The following KCNH7 variants were observed in gnomAD, a reference collection of about 807,000 sequenced individuals.
KCNH7 encodes voltage-gated inwardly rectifying potassium channel KCNH7.
In KCNH7, 49 loss-of-function variants were observed where a neutral mutation model predicts 120.8. The observed-to-expected ratio is 0.41, with a 90% confidence interval of 0.32 to 0.51. The LOEUF is 0.51. Among genes scored for constraint, KCNH7 ranks in the 20% least tolerant of loss-of-function variants. The pLI is 0.38. For missense variants in KCNH7, 1,097 were observed against 1,446.6 expected (o/e 0.76, Z 3.92); for synonymous variants, 547 against 516.1 (o/e 1.06, Z -0.81).
chr2:162,765,642 C>T (rs1682771405), intron 2 of KCNH7, among the ~76,000 whole-genome samples: 1 of 152,086 alleles, frequency 6.6e-6, no homozygotes, highest in African/African-American at 2.4e-5. Context: ...TTTAAGTGGT[C>T]ATATTACTGT....
chr2:162,803,841 C>T (rs1684433122), intron 2 of KCNH7, among the ~76,000 whole-genome samples: 1 of 151,612 alleles, frequency 6.6e-6, no homozygotes, highest in South Asian at 2.1e-4. Context: ...GCATTTTTTA[C>T]TTACAGGATC....
intron 2 of KCNH7, among the ~76,000 whole-genome samples, chr2:162,652,356 T>C (rs1474102351): frequency 2.6e-5 from 4 of 151,968 alleles, no homozygotes; most frequent in Admixed American, 2.0e-4. Flanking sequence ...AAAACAAGTA[T>C]ACAGAAGCAG....
chr2:162,567,149 G>T (rs1030182282), intron 2 of KCNH7, among the ~76,000 whole-genome samples: 6 of 151,934 alleles, frequency 3.9e-5, no homozygotes, highest in African/African-American at 1.4e-4. Flanking sequence ...TTATTTAGCA[G>T]AAAGAAGATG....
intron 8 of KCNH7, among the ~76,000 whole-genome samples, chr2:162,426,739 T>C (rs1216457118): frequency 6.6e-6 from 1 of 152,222 alleles, no homozygotes; most frequent in Non-Finnish European, 1.5e-5. Context: ...GTAATTTATA[T>C]GTAAGATGCA....
chr2:162,699,313 A>G (rs751246867), intron 2 of KCNH7, among the ~76,000 whole-genome samples: 14 of 152,122 alleles, frequency 9.2e-5, no homozygotes, highest in Middle Eastern at 3.2e-3. Context: ...ATTTCACCGA[A>G]TGTCCTCCAG....
chr2:162,454,940 G>GC (rs1237408032), intron 6 of KCNH7, among the ~76,000 whole-genome samples: 1 of 151,948 alleles, frequency 6.6e-6, no homozygotes, highest in Non-Finnish European at 1.5e-5. Context: ...TCTTTCTCTT[G>GC]CCTGATTGCC....
intron 6 of KCNH7, among the ~76,000 whole-genome samples, chr2:162,493,423 T>A (rs911718128): frequency 6.6e-6 from 1 of 152,178 alleles, no homozygotes; most frequent in East Asian, 1.9e-4. Context: ...GAAATAAAAG[T>A]CTTAAAGATT....
rs1397305814 is a variant in KCNH7 at position 162,770,110 on chromosome 2, A to G, written c.307+66427T>C. ...AACTGCAGCTATTCACAGATGCTAC[A>G]TCGTAAGACTGAGTACATGGGAATT... On this transcript the variant is annotated intron_variant, in intron 2 of 15. Transcript: ENST00000332142. 2.0e-5 allele frequency among the ~76,000 whole-genome samples: 3 copies of G among 152,190 alleles called. 1 individual carries two copies. Among genetic ancestry groups the G allele is most frequent in the African/African-American group, 7.2e-5 (3 of 41,576 alleles).
intron 2 of KCNH7, among the ~76,000 whole-genome samples, chr2:162,707,777 T>C (rs1157293929): frequency 1.3e-5 from 2 of 152,130 alleles, no homozygotes; most frequent in African/African-American, 2.4e-5. Context: ...CATCACCTAC[T>C]ACTACGTTTA....
intron 6 of KCNH7, among the ~76,000 whole-genome samples, chr2:162,502,874 C>T (rs1350588572): frequency 6.6e-6 from 1 of 152,040 alleles, no homozygotes; most frequent in African/African-American, 2.4e-5. Flanking sequence ...TGAGATCCCA[C>T]ATGGCTGCAC....
intron 2 of KCNH7, among the ~76,000 whole-genome samples, chr2:162,565,521 G>A (rs112230566): frequency 1.6e-4 from 24 of 152,072 alleles, no homozygotes; most frequent in African/African-American, 5.1e-4. Flanking sequence ...GGTAAAATAA[G>A]ATGGAAAGAA....
At chr2:162,817,636 T>C (rs1684962750) in intron 2 of KCNH7, among the ~76,000 whole-genome samples, 1 of 152,154 alleles carries the variant, frequency 6.6e-6, no homozygotes, top group African/African-American at 2.4e-5. Context: ...AATGAAACAG[T>C]ATACAGTATT....
chr2:162,434,842 G>C (rs1418265764), intron 8 of KCNH7, among the ~76,000 whole-genome samples: 1 of 151,930 alleles, frequency 6.6e-6, no homozygotes, highest in African/African-American at 2.4e-5. Flanking sequence ...TCATCATGTA[G>C]TGTAAATGAG....
At chr2:162,758,607 A>G (rs933675662) in intron 2 of KCNH7, among the ~76,000 whole-genome samples, 4 of 152,102 alleles carry the variant, frequency 2.6e-5, no homozygotes, top group African/African-American at 9.7e-5. Context: ...ATATACATGT[A>G]TATATACACA....
intron 12 of KCNH7, among the ~76,000 whole-genome samples, chr2:162,389,198 C>T (rs927615577): frequency 6.6e-6 from 1 of 151,668 alleles, no homozygotes; most frequent in African/African-American, 2.4e-5. Flanking sequence ...TAAAATGGAG[C>T]ATATTGTGAT....
chr2:162,390,052 G>T (rs1176234412), intron 12 of KCNH7, among the ~76,000 whole-genome samples: 2 of 151,914 alleles, frequency 1.3e-5, no homozygotes, highest in Non-Finnish European at 2.9e-5. Flanking sequence ...GATTGTTTGT[G>T]CCTGGTTACA....
At chr2:162,699,561 A>C (rs935064380) in intron 2 of KCNH7, among the ~76,000 whole-genome samples, 1 of 152,196 alleles carries the variant, frequency 6.6e-6, no homozygotes, top group Non-Finnish European at 1.5e-5. Flanking sequence ...CATGTGCAGA[A>C]TGTGCAGTAA....
chr2:162,393,741 A>T (rs999357720), intron 12 of KCNH7, among the ~76,000 whole-genome samples: 2 of 151,668 alleles, frequency 1.3e-5, no homozygotes, highest in Admixed American at 1.3e-4. Context: ...TTAAATGTAC[A>T]CTCACTTGGG....
At chr2:162,385,056 T>A in intron 12 of KCNH7, 117 bp from the exon 13 acceptor site, 1 of 725,362 alleles carries the variant, frequency 1.4e-6, no homozygotes, top group Non-Finnish European at 2.1e-6. Flanking sequence ...ATTGAAAATG[T>A]AGCTACTTGG....
Sources: gnomAD v4.1 joint callset for allele counts (sites outside exome capture counted in the v4.1 genomes callset) on GRCh38, gnomAD v4.1.1 for gene constraint, MANE v1.5 for transcripts, NCBI Gene and HGNC (gene_info 2026-07-23, HGNC 2026-07-21) for gene names.